The following TSKU variants were observed in gnomAD, a reference collection of about 807,000 sequenced individuals.
TSKU encodes the protein tsukushi, small leucine rich proteoglycan.
A neutral mutation model predicts 11.2 loss-of-function variants in TSKU; 4 were observed. That is an observed-to-expected ratio of 0.36 (90% CI 0.18 to 0.82). The LOEUF is 0.82. TSKU is among the 40% of genes least tolerant of loss of function. TSKU has a pLI of 0.50. For missense variants in TSKU, 407 were observed against 482.5 expected (o/e 0.84, Z 1.47); for synonymous variants, 220 against 232.2 (o/e 0.95, Z 0.48).
At chr11:76,782,589 G>C (rs1043162639), upstream of TSKU, 5 of 150,588 alleles carry the variant, frequency 3.3e-5, no homozygotes, top group Non-Finnish European at 7.4e-5. Flanking sequence ...AACATAAAGA[G>C]GGGTGAGAGC....
In TSKU at chr11:76,795,991, C is replaced by T. The variant is rs147461076; in HGVS notation, c.375C>T (p.Ala125=). 4.1e-5 allele frequency: 66 copies of T among 1,613,960 alleles called. No individual in the cohort carries two copies. The African/African-American group carries it at 6.1e-4, about 15-fold the overall frequency. The change falls in exon 2 of 2, where the codon GCC becomes GCT. Residue 125 remains alanine (A), a synonymous_variant. Coordinates refer to ENST00000333090, the MANE Select transcript of TSKU (RefSeq NM_015516.4). The stretch of plus-strand genomic sequence containing the variant: ...ACAATGGCCTGACAGCCCTGCCAGC[C>T]GAGAGCTTCACCAGCTCACCCCTGA... ...LSHNGLTALP[A]ESFTSSPLSD...
At chr11:76,793,027 C>T (rs1439985239) in intron 1 of TSKU, among the ~76,000 whole-genome samples, 2 of 152,396 alleles carry the variant, frequency 1.3e-5, no homozygotes, top group East Asian at 1.9e-4. Context: ...AGAGTGAGGA[C>T]TGGCCCTGAC....
chr11:76,784,549 G>A (rs1405829739), intron 1 of TSKU, among the ~76,000 whole-genome samples: 2 of 152,342 alleles, frequency 1.3e-5, no homozygotes, highest in East Asian at 1.9e-4. Context: ...ACTCTGGCAC[G>A]GACAGGGCGA....
intron 1 of TSKU, among the ~76,000 whole-genome samples, chr11:76,786,211 T>C (rs1187837888): frequency 6.6e-6 from 1 of 152,230 alleles, no homozygotes; most frequent in Non-Finnish European, 1.5e-5. Flanking sequence ...CACCTTCATG[T>C]GGCCAGGCTC....
chr11:76,795,115 G>A (rs1203177435), intron 1 of TSKU, among the ~76,000 whole-genome samples: 1 of 152,196 alleles, frequency 6.6e-6, no homozygotes, highest in Non-Finnish European at 1.5e-5. Context: ...AGCAGAGAGT[G>A]GGGCACCCTG....
Position 76,797,782 on chromosome 11 carries a change from A to G in TSKU, c.*1104A>G, listed in dbSNP as rs546596676. The G allele has an allele frequency of 2.4e-5, 4 of 167,182 alleles. No homozygotes were observed. Among genetic ancestry groups the G allele is most frequent in the South Asian group, 4.1e-4 (2 of 4,820 alleles). 10.4% of individuals were successfully genotyped at this position (167,182 alleles called of 1,614,324 possible). A position where few individuals can be genotyped will look rare whatever the true frequency, so the allele number is the denominator to read the frequency against. ...GACAAGGTCTGCCCGACCCATGTCT[A>G]TGCTCTACCCCCAGGGTAGCATCTC... On this transcript the variant is annotated 3_prime_UTR_variant, in exon 2 of 2. Coordinates refer to ENST00000333090, the MANE Select transcript of TSKU (RefSeq NM_015516.4).
upstream of TSKU, chr11:76,782,622 T>C (rs1052364683): frequency 6.7e-6 from 1 of 150,316 alleles, no homozygotes; most frequent in Non-Finnish European, 1.5e-5. Context: ...GCAGGGGGAA[T>C]AGACTGAAAC....
In TSKU at chr11:76,795,826, G is replaced by A. The variant is rs772955214; in HGVS notation, c.210G>A (p.Leu70=). 13 of 1,613,954 alleles carry A rather than the reference G, an allele frequency of 8.1e-6. No homozygotes were observed. The highest frequency in any genetic ancestry group is 3.3e-4 in the Middle Eastern group (2 of 6,084). Residue 70 remains leucine, a synonymous_variant, in exon 2 of 2, where the codon CTG becomes CTA. Transcript: ENST00000333090. Reference sequence around the variant, plus strand: ...ACTTGGACCTGTCCTCCAACCGGCTGGAGATGGTGAATGAGTCGGTGTTGG... The same window carrying A: ...ACTTGGACCTGTCCTCCAACCGGCTAGAGATGGTGAATGAGTCGGTGTTGG... The part of the protein sequence containing the change: ...TAHLDLSSNR[L]EMVNESVLAG...
rs780008118 is a variant in TSKU at position 76,796,596 on chromosome 11, G to A, written c.980G>A (p.Arg327Gln). The change falls in exon 2 of 2, where the codon CGG (arginine) becomes CAG (glutamine). Residue 327 changes from arginine to glutamine, a missense_variant. Arg to Gln is a conservative substitution (Grantham distance 43). Transcript: ENST00000333090. The surrounding 1 kb of genome is among the most constrained non-coding windows in gnomAD (Gnocchi z 4.1). ...RRLVREGTYP[R>Q]RPGSSPKVAL... ...CTGGTGCGGGAGGGCACCTACCCCC[G>A]GAGGCCTGGCTCCAGCCCCAAGGTG... The A allele has an allele frequency of 2.8e-5, 42 of 1,520,822 alleles. No individual in the cohort carries two copies. Among genetic ancestry groups the A allele is most frequent in the Non-Finnish European group, 3.5e-5 (40 of 1,133,512 alleles). 94.2% of individuals were successfully genotyped at this position (1,520,822 alleles called of 1,614,324 possible).
chr11:76,790,528 C>G (rs1026108717), intron 1 of TSKU, among the ~76,000 whole-genome samples: 2 of 151,956 alleles, frequency 1.3e-5, no homozygotes, highest in Non-Finnish European at 2.9e-5. Context: ...TTGGCTGTGC[C>G]CCACCCAAAT....
chr11:76,797,057 G>T lies in TSKU; in HGVS notation c.*379G>T. ...GCAGGGCAGAGTTCAGGTCCACTGG[G>T]CTGAGTGTCCCCTTGGGCCCATGGC... On this transcript the variant is annotated 3_prime_UTR_variant, in exon 2 of 2. Coordinates refer to ENST00000333090, the MANE Select transcript of TSKU (RefSeq NM_015516.4). 1 of 194,148 alleles carries T rather than the reference G, an allele frequency of 5.2e-6. No homozygotes were observed. The highest frequency in any genetic ancestry group is 1.2e-5 in the Non-Finnish European group (1 of 86,826). The allele number at this position is 194,148 out of a possible 1,614,324, so 12.0% of individuals were successfully genotyped here.
intron 1 of TSKU, among the ~76,000 whole-genome samples, chr11:76,788,686 C>T (rs1469816755): frequency 6.6e-6 from 1 of 152,180 alleles, no homozygotes; most frequent in Non-Finnish European, 1.5e-5. Flanking sequence ...GAGCGGGTCC[C>T]AAGACTTACC....
upstream of TSKU, chr11:76,783,100 T>C (rs1944255904): frequency 6.6e-6 from 1 of 152,130 alleles, no homozygotes. Flanking sequence ...CAGGAAGCTG[T>C]GAGCGAGGCC....
chr11:76,786,213 G>A (rs2134385871), intron 1 of TSKU, among the ~76,000 whole-genome samples: 1 of 152,318 alleles, frequency 6.6e-6, no homozygotes, highest in African/African-American at 2.4e-5. Flanking sequence ...CCTTCATGTG[G>A]CCAGGCTCGT....
At chr11:76,789,859 C>T (rs1944348380) in intron 1 of TSKU, among the ~76,000 whole-genome samples, 2 of 152,048 alleles carry the variant, frequency 1.3e-5, no homozygotes, top group African/African-American at 4.8e-5. Flanking sequence ...AACCAAGGCC[C>T]AAAGAAAACA....
chr11:76,786,485 G>T (rs1256913959), intron 1 of TSKU, among the ~76,000 whole-genome samples: 1 of 152,218 alleles, frequency 6.6e-6, no homozygotes, highest in Non-Finnish European at 1.5e-5. Context: ...AGAGTCACAG[G>T]CCTCTAGACT....
intron 1 of TSKU, among the ~76,000 whole-genome samples, chr11:76,784,683 C>A (rs1268212801): frequency 9.0e-5 from 13 of 144,406 alleles, no homozygotes; most frequent in African/African-American, 3.4e-4. Flanking sequence ...ATTCTTCTTT[C>A]ATCTTTGTGC....
intron 1 of TSKU, among the ~76,000 whole-genome samples, chr11:76,788,687 A>G (rs1203670641): frequency 1.3e-5 from 2 of 152,182 alleles, no homozygotes; most frequent in African/African-American, 2.4e-5. Flanking sequence ...AGCGGGTCCC[A>G]AGACTTACCC....
At chr11:76,786,644 C>A (rs889830665) in intron 1 of TSKU, among the ~76,000 whole-genome samples, 1 of 152,122 alleles carries the variant, frequency 6.6e-6, no homozygotes, top group Non-Finnish European at 1.5e-5. Flanking sequence ...TTGAGCCTGA[C>A]CTGGACAGGG....
Sources: allele counts gnomAD v4.1 joint callset (sites outside exome capture counted in the v4.1 genomes callset), GRCh38; gene constraint gnomAD v4.1.1; non-coding constraint Gnocchi (gnomAD v3.1); transcripts MANE v1.5; gene names NCBI Gene and HGNC (gene_info 2026-07-23, HGNC 2026-07-21).